TCF7L1: variants seen among roughly 807,000 people sequenced by gnomAD.
TCF7L1 encodes the protein transcription factor 7 like 1, also known as transcription factor 7-like 1.
TCF7L1 carries 18 observed loss-of-function variants against 63.7 expected under a neutral mutation model. The ratio of observed to expected loss-of-function variants is 0.28; its 90% CI spans 0.20 to 0.42. The LOEUF is 0.42. TCF7L1 is among the 10% of genes least tolerant of loss of function. TCF7L1 has a pLI of 1.00. For missense variants in TCF7L1, 654 were observed against 779.3 expected, an observed-to-expected ratio of 0.84 and a Z score of 1.91; for synonymous variants, 355 against 340.9, an observed-to-expected ratio of 1.04 and a Z score of -0.46.
At chr2:85,239,251 T>C (rs1680267002) in intron 3 of TCF7L1, among the ~76,000 whole-genome samples, 1 of 152,112 alleles carries the variant, frequency 6.6e-6, no homozygotes, top group South Asian at 2.1e-4. Flanking sequence ...TGTATGCTCC[T>C]TCCTATGCAG....
intron 3 of TCF7L1, among the ~76,000 whole-genome samples, chr2:85,282,649 G>A (rs781481005): frequency 7.9e-5 from 12 of 152,276 alleles, no homozygotes; most frequent in Middle Eastern, 3.4e-3. Context: ...CACAGCCTAT[G>A]TTGGCAGAGT....
At chr2:85,191,009 T>C (rs1558628993) in intron 3 of TCF7L1, among the ~76,000 whole-genome samples, 1 of 151,464 alleles carries the variant, frequency 6.6e-6, no homozygotes. Flanking sequence ...AACTGAGTTA[T>C]CTTTATAATT....
intron 3 of TCF7L1, among the ~76,000 whole-genome samples, chr2:85,150,187 G>A (rs960830945): frequency 2.0e-5 from 3 of 150,212 alleles, no homozygotes; most frequent in African/African-American, 7.3e-5. Flanking sequence ...TTGTCTCTTA[G>A]TCTCCTTTAG....
chr2:85,172,925 G>A (rs1325885322), intron 3 of TCF7L1, among the ~76,000 whole-genome samples: 1 of 152,080 alleles, frequency 6.6e-6, no homozygotes, highest in Non-Finnish European at 1.5e-5. Context: ...ATTGGTCATT[G>A]CCCGTCTCCA....
intron 3 of TCF7L1, among the ~76,000 whole-genome samples, chr2:85,172,287 G>A (rs544571750): frequency 6.6e-6 from 1 of 152,148 alleles, no homozygotes; most frequent in East Asian, 1.9e-4. Context: ...TCTTCCCACT[G>A]AGCTGACCTC....
chr2:85,234,875 G>A (rs576560733), intron 3 of TCF7L1, among the ~76,000 whole-genome samples: 2 of 152,304 alleles, frequency 1.3e-5, no homozygotes, highest in Non-Finnish European at 2.9e-5. Flanking sequence ...CAGAGGCTCT[G>A]CAGGAGAGGG....
At position 85,305,348 on chromosome 2, in the gene TCF7L1, TCCC is replaced by T; in HGVS notation, c.937_939del (p.Pro313del). The T allele has an allele frequency of 2.5e-6, 4 of 1,612,886 alleles. No individual in the cohort carries two copies. The highest frequency in any genetic ancestry group is 3.4e-6 in the Non-Finnish European group (4 of 1,179,672). On this transcript the variant is annotated inframe_deletion, in exon 8 of 12. Coordinates refer to ENST00000282111, the MANE Select transcript of TCF7L1 (RefSeq NM_031283.3). ...AGGGATCCCCCACCCTGCCATCGTC[TCCC>T]CCATCGTCAAGCAGGAACCGGCACC...
chr2:85,208,169 G>A (rs1323644906), intron 3 of TCF7L1, among the ~76,000 whole-genome samples: 7 of 152,162 alleles, frequency 4.6e-5, no homozygotes, highest in African/African-American at 1.7e-4. Context: ...GCCTCCCAAA[G>A]TGCTGGGATT....
intron 3 of TCF7L1, among the ~76,000 whole-genome samples, chr2:85,191,465 A>G (rs769907816): frequency 1.3e-5 from 2 of 152,242 alleles, no homozygotes; most frequent in African/African-American, 2.4e-5. Flanking sequence ...TAGAAGTGGG[A>G]TGGCACCTCT....
intron 4 of TCF7L1, among the ~76,000 whole-genome samples, chr2:85,295,134 G>A (rs183391696): frequency 6.6e-6 from 1 of 152,206 alleles, no homozygotes; most frequent in East Asian, 1.9e-4. Context: ...ATATCCTGTT[G>A]GTGCTCTGTA....
rs968034034 is a variant in TCF7L1, at chr2:85,306,756, C to G, written c.1257+197C>G. 6.6e-6 allele frequency among the ~76,000 whole-genome samples: 1 copy of G among 152,194 alleles called. No homozygotes were observed. The highest frequency in any genetic ancestry group is 6.5e-5 in the Admixed American group (1 of 15,278). ...CTCGGCTCACTGCAAGCTCCGCCTC[C>G]CCGGTTCACACCATTCTCCTGTCTC... is the stretch of plus-strand genomic sequence containing the variant. On this transcript the variant is annotated intron_variant, in intron 10 of 11. Transcript: ENST00000282111. The surrounding 1 kb of genome is among the most constrained non-coding windows in gnomAD (Gnocchi z 4.3).
At chr2:85,184,882 T>C (rs1678880753) in intron 3 of TCF7L1, among the ~76,000 whole-genome samples, 1 of 151,960 alleles carries the variant, frequency 6.6e-6, no homozygotes, top group South Asian at 2.1e-4. Context: ...TGATCCCTTC[T>C]GATCCTCACA....
chr2:85,291,108 T>C (rs941028552), intron 4 of TCF7L1, among the ~76,000 whole-genome samples: 10 of 152,242 alleles, frequency 6.6e-5, no homozygotes, highest in African/African-American at 1.9e-4. Flanking sequence ...GCTGAGGTGG[T>C]TGGTTGAATC....
chr2:85,200,542 C>T (rs1679250051), intron 3 of TCF7L1, among the ~76,000 whole-genome samples: 1 of 152,174 alleles, frequency 6.6e-6, no homozygotes, highest in Admixed American at 6.6e-5. Flanking sequence ...TCTGAAATGA[C>T]AGGCAACTAC....
intron 3 of TCF7L1, among the ~76,000 whole-genome samples, chr2:85,141,244 TA>T (rs1677730467): frequency 6.6e-6 from 1 of 151,840 alleles, no homozygotes; most frequent in Non-Finnish European, 1.5e-5. Flanking sequence ...CTCTAAGAAA[TA>T]AATAAAAATA....
At chr2:85,197,572 A>G (rs1384168080) in intron 3 of TCF7L1, among the ~76,000 whole-genome samples, 14 of 152,228 alleles carry the variant, frequency 9.2e-5, no homozygotes, top group African/African-American at 3.4e-4. Context: ...ATTTGCTACC[A>G]CTTATCTGTG....
In TCF7L1 at chr2:85,220,412, A is replaced by T. The variant is rs184648777; in HGVS notation, c.442-63083A>T. ...TTGAGATGGAGTCTCACTGTCACCCAGGCTGGAGTACAGTGGCGCAATGTC... is the reference window on the plus strand; with the variant it reads ...TTGAGATGGAGTCTCACTGTCACCCTGGCTGGAGTACAGTGGCGCAATGTC... On this transcript the variant is annotated intron_variant, in intron 3 of 11. Coordinates refer to ENST00000282111, the MANE Select transcript of TCF7L1 (RefSeq NM_031283.3). Among the ~76,000 whole-genome samples, 460 of 152,154 alleles carry T rather than the reference A, an allele frequency of 3.0e-3. 2 individuals are homozygous for T. Among genetic ancestry groups the T allele is most frequent in the African/African-American group, 0.011 (444 of 41,506 alleles).
At chr2:85,246,114 C>T (rs1680458244) in intron 3 of TCF7L1, among the ~76,000 whole-genome samples, 1 of 152,170 alleles carries the variant, frequency 6.6e-6, no homozygotes, top group Non-Finnish European at 1.5e-5. Flanking sequence ...TGGTTCTGAT[C>T]TCCAGATGTA....
At chr2:85,209,462 C>T (rs1679494224) in intron 3 of TCF7L1, among the ~76,000 whole-genome samples, 1 of 152,180 alleles carries the variant, frequency 6.6e-6, no homozygotes, top group African/African-American at 2.4e-5. Context: ...TGTGGTCTGC[C>T]CGTTGCTTAT....
Sources: gnomAD v4.1 joint callset for allele counts (sites outside exome capture counted in the v4.1 genomes callset) on GRCh38, gnomAD v4.1.1 for gene constraint, Gnocchi (gnomAD v3.1) non-coding constraint, MANE v1.5 for transcripts, NCBI Gene and HGNC (gene_info 2026-07-23, HGNC 2026-07-21) for gene names.